CSTF3: variants seen among roughly 807,000 people sequenced by gnomAD.
CSTF3 encodes cleavage stimulation factor subunit 3.
A neutral mutation model predicts 105.8 loss-of-function variants in CSTF3; 29 were observed. That is an observed-to-expected ratio of 0.27 (90% confidence interval 0.20 to 0.37). The LOEUF (loss-of-function observed/expected upper bound fraction) is 0.37, where lower values mean the gene tolerates loss of function less well. Ranked by LOEUF, CSTF3 falls within the 10% of genes least tolerant of loss-of-function variation. The pLI, the probability that CSTF3 is intolerant of heterozygous loss-of-function variation, is 1.00. For synonymous variants in CSTF3, 252 were observed against 281.9 expected, an observed-to-expected ratio of 0.89 and a Z score of 1.06; for missense variants, 357 against 879.3, an observed-to-expected ratio of 0.41 and a Z score of 7.51.
At position 33,085,902 on chromosome 11, in the gene CSTF3, CAGAT is replaced by C. The variant is rs756068003; in HGVS notation, c.1879_1882del (p.Ile627ValfsTer12). On this transcript the variant is annotated frameshift_variant, in exon 19 of 21. Coordinates refer to ENST00000323959, the MANE Select transcript of CSTF3 (RefSeq NM_001326.3). LOFTEE classifies it high-confidence loss of function. The stretch of plus-strand genomic sequence containing the variant: ...GAAAATAAGTGAACAAACCTGGAAA[CAGAT>C]AGGAGGAGGGAGAAGTTTCATTAAA... The C allele has an allele frequency of 3.2e-6, 5 of 1,570,186 alleles. No homozygotes were observed. Among genetic ancestry groups the C allele is most frequent in the Admixed American group, 1.9e-5 (1 of 53,346 alleles).
At chr11:33,113,941 A>G (rs1206061166) in intron 3 of CSTF3, among the ~76,000 whole-genome samples, 2 of 152,166 alleles carry the variant, frequency 1.3e-5, no homozygotes, top group Admixed American at 6.6e-5. Flanking sequence ...AACAAGTATA[A>G]CATGATGAGG....
intron 1 of CSTF3, among the ~76,000 whole-genome samples, chr11:33,157,445 G>T (rs1849882080): frequency 6.6e-6 from 1 of 152,004 alleles, no homozygotes; most frequent in African/African-American, 2.4e-5. Flanking sequence ...TTGTTAGGGG[G>T]GTAAACCTAT....
At chr11:33,144,417 T>C (rs1032893494) in intron 1 of CSTF3, among the ~76,000 whole-genome samples, 1 of 152,204 alleles carries the variant, frequency 6.6e-6, no homozygotes, top group African/African-American at 2.4e-5. Context: ...TAAGGGACTA[T>C]TGGCTCTTCC....
intron 14 of CSTF3, 138 bp downstream of exon 14, chr11:33,096,697 T>A (rs1855226380): frequency 1.3e-6 from 1 of 793,698 alleles, no homozygotes; most frequent in African/African-American, 1.7e-5. Flanking sequence ...CTCCATAAAA[T>A]TTTACACAGA....
Position 33,106,072 on chromosome 11 carries a change from G to A in CSTF3, c.357-8C>T. The A allele has an allele frequency of 6.2e-7, 1 of 1,606,396 alleles. No homozygotes were observed. The highest frequency in any genetic ancestry group is 8.5e-7 in the Non-Finnish European group (1 of 1,175,016). On this transcript the variant is annotated splice_region_variant and splice_polypyrimidine_tract_variant and intron_variant, in intron 5 of 20. Transcript: ENST00000323959. ...GCTTGAGCCATTTTTTCTCTGAAAT[G>A]AACATGAAAGACGTGGTTTTTAAAT...
intron 17 of CSTF3, among the ~76,000 whole-genome samples, chr11:33,089,546 T>C (rs887366694): frequency 1.3e-5 from 2 of 152,234 alleles, no homozygotes; most frequent in African/African-American, 4.8e-5. Flanking sequence ...TGACTTTTCA[T>C]TGAGAAGTAG....
chr11:33,117,646 A>C (rs775316802), intron 3 of CSTF3, among the ~76,000 whole-genome samples: 1 of 124,946 alleles, frequency 8.0e-6, no homozygotes, highest in East Asian at 2.2e-4. Context: ...CCACTATACT[A>C]TACTGCTCTC....
intron 1 of CSTF3, chr11:33,144,891 G>A (rs1323828472): frequency 2.0e-5 from 5 of 246,230 alleles, no homozygotes; most frequent in African/African-American, 4.7e-5. Context: ...CGGTGGGATC[G>A]CTTGAGCCCG....
intron 3 of CSTF3, among the ~76,000 whole-genome samples, chr11:33,117,220 C>G (rs1360824212): frequency 6.6e-6 from 1 of 151,768 alleles, no homozygotes; most frequent in Non-Finnish European, 1.5e-5. Flanking sequence ...TATCCATTCC[C>G]AGGCAACAAA....
intron 3 of CSTF3, among the ~76,000 whole-genome samples, chr11:33,119,250 A>G (rs767964516): frequency 6.6e-6 from 1 of 151,866 alleles, no homozygotes; most frequent in Non-Finnish European, 1.5e-5. Flanking sequence ...CTAGTTCACT[A>G]ATCAAGACAA....
At chr11:33,122,688 G>C (rs973835771) in intron 3 of CSTF3, among the ~76,000 whole-genome samples, 1 of 152,050 alleles carries the variant, frequency 6.6e-6, no homozygotes, top group Non-Finnish European at 1.5e-5. Context: ...GCCAAGGCTG[G>C]TGGTTAGACT....
chr11:33,117,024 TTGTC>T (rs1855437431), intron 3 of CSTF3, among the ~76,000 whole-genome samples: 1 of 151,918 alleles, frequency 6.6e-6, no homozygotes, highest in African/African-American at 2.4e-5. Context: ...CAGGTATAAA[TTGTC>T]TGATTAAAGT....
At chr11:33,096,679 GGAT>G (rs1855226235) in intron 14 of CSTF3, among the ~76,000 whole-genome samples, 153 bp downstream of exon 14, 1 of 152,150 alleles carries the variant, frequency 6.6e-6, no homozygotes, top group Admixed American at 6.5e-5. Flanking sequence ...TTGGGGATTT[GGAT>G]GATGCTCCAT....
intron 3 of CSTF3, among the ~76,000 whole-genome samples, chr11:33,139,308 T>C (rs183955987): frequency 6.6e-5 from 10 of 152,032 alleles, no homozygotes; most frequent in African/African-American, 1.7e-4. Flanking sequence ...GAAATGAACA[T>C]TACAATTTTC....
chr11:33,084,857 C>G lies in CSTF3; in HGVS notation c.*230G>C. Reference sequence around the variant, plus strand: ...CAAAATGTGGTTCTGCCACTTTGTACTGTTCTCACATTTTTGAAAACCTAA... The same window carrying G: ...CAAAATGTGGTTCTGCCACTTTGTAGTGTTCTCACATTTTTGAAAACCTAA... On this transcript the variant is annotated 3_prime_UTR_variant, in exon 21 of 21. Coordinates refer to ENST00000323959, the MANE Select transcript of CSTF3 (RefSeq NM_001326.3). 1 of 566,646 alleles carries G rather than the reference C, an allele frequency of 1.8e-6. No individual in the cohort carries two copies. The highest frequency in any genetic ancestry group is 2.1e-5 in the South Asian group (1 of 48,254). 35.1% of individuals were successfully genotyped at this position (566,646 alleles called of 1,614,324 possible).
intron 17 of CSTF3, among the ~76,000 whole-genome samples, chr11:33,088,575 T>G (rs987522699): frequency 6.6e-6 from 1 of 152,070 alleles, no homozygotes; most frequent in African/African-American, 2.4e-5. Context: ...CCACCACACC[T>G]GGCCACTATA....
intron 8 of CSTF3, 152 bp from the exon 9 acceptor site, chr11:33,103,336 G>GA: frequency 2.3e-6 from 1 of 438,624 alleles, no homozygotes; most frequent in African/African-American, 2.1e-5. Context: ...GAAAAGCAGG[G>GA]AAAAAAGGTT....
intron 3 of CSTF3, among the ~76,000 whole-genome samples, chr11:33,133,955 TCTA>T (rs1400923684): frequency 1.3e-5 from 2 of 152,216 alleles, no homozygotes; most frequent in African/African-American, 4.8e-5. Flanking sequence ...TGCAGATTAT[TCTA>T]CTAATGTTAC....
chr11:33,133,127 A>C (rs185199150), intron 3 of CSTF3, among the ~76,000 whole-genome samples: 1 of 152,326 alleles, frequency 6.6e-6, no homozygotes, highest in South Asian at 2.1e-4. Flanking sequence ...AATGAAAAAA[A>C]TCATGGTAGG....
Sources: allele counts gnomAD v4.1 joint callset (sites outside exome capture counted in the v4.1 genomes callset), GRCh38; gene constraint gnomAD v4.1.1; transcripts MANE v1.5; gene names NCBI Gene and HGNC (gene_info 2026-07-23, HGNC 2026-07-21).